The following KIDINS220 variants were observed in gnomAD, a reference collection of about 807,000 sequenced individuals.
KIDINS220 encodes kinase D interacting substrate 220, also known as kinase D-interacting substrate of 220 kDa.
Under a neutral mutation model 157.6 loss-of-function variants are expected in KIDINS220, and 63 were observed. That is an observed-to-expected ratio of 0.40 (90% confidence interval 0.33 to 0.49). The LOEUF is 0.49. Ranked by LOEUF, KIDINS220 falls within the 20% of genes least tolerant of loss-of-function variation. The probability of loss-of-function intolerance (pLI) is 0.66; values close to 1 mark genes in which losing one functional copy is unlikely to be tolerated. For synonymous variants in KIDINS220, 732 were observed against 783.6 expected (o/e 0.93, Z 1.10); for missense variants, 1,772 against 2,171.2 (o/e 0.82, Z 3.65).
intron 22 of KIDINS220, among the ~76,000 whole-genome samples, chr2:8,764,407 A>G (rs1669170088): frequency 6.6e-6 from 1 of 152,182 alleles, no homozygotes; most frequent in African/African-American, 2.4e-5. Flanking sequence ...AAAATTTTAA[A>G]AAACACAGAG....
intron 27 of KIDINS220, 124 bp from the exon 28 acceptor site, chr2:8,734,877 C>A: frequency 4.9e-6 from 3 of 609,272 alleles, no homozygotes; most frequent in East Asian, 3.0e-5. Context: ...GAAAGGCTGA[C>A]CAAAAAAAAG....
At chr2:8,781,635 G>A (rs1671739487) in intron 17 of KIDINS220, among the ~76,000 whole-genome samples, 1 of 152,042 alleles carries the variant, frequency 6.6e-6, no homozygotes, top group African/African-American at 2.4e-5. Flanking sequence ...CCCAAAACAT[G>A]CAGAGATTTA....
rs145345710 is a variant in KIDINS220, at chr2:8,774,015, CAGAT to C, written c.2848+2729_2848+2732del. 3.3e-3 allele frequency among the ~76,000 whole-genome samples: 495 copies of C among 152,220 alleles called. 4 individuals are homozygous for C. The highest frequency in any genetic ancestry group is 0.011 in the African/African-American group (475 of 41,546). ...ACTGAGAAAACAACAATAAGAAAGA[CAGAT>C]AGAATGCCGGGCATAGTGGCTCATG... On this transcript the variant is annotated intron_variant, in intron 21 of 29. Coordinates refer to ENST00000256707, the MANE Select transcript of KIDINS220 (RefSeq NM_020738.4).
At chr2:8,808,998 A>T (rs1258678568) in intron 6 of KIDINS220, among the ~76,000 whole-genome samples, 1 of 137,778 alleles carries the variant, frequency 7.3e-6, no homozygotes, top group Admixed American at 7.7e-5. Flanking sequence ...AGATCTATGT[A>T]TCTTTTTTTG....
At chr2:8,792,165 A>T (rs1047294884) in intron 12 of KIDINS220, among the ~76,000 whole-genome samples, 1 of 152,182 alleles carries the variant, frequency 6.6e-6, no homozygotes, top group Non-Finnish European at 1.5e-5. Flanking sequence ...TACTAGAAGG[A>T]AATATAGGAA....
In KIDINS220 at chr2:8,735,938, C is replaced by T. The variant is rs549411125; in HGVS notation, c.3717+930G>A. Among the ~76,000 whole-genome samples, 5 of 152,280 alleles carry T rather than the reference C, an allele frequency of 3.3e-5. No individual in the cohort carries two copies. In the South Asian group the frequency reaches 6.2e-4, roughly 19 times the overall value. On this transcript the variant is annotated intron_variant, in intron 27 of 29. Coordinates refer to ENST00000256707, the MANE Select transcript of KIDINS220 (RefSeq NM_020738.4). ...CACAAAGGACTCGTGTGGGAGACCC[C>T]GCTCTTTCCTGACACCAACCAGCTG...
intron 1 of KIDINS220, among the ~76,000 whole-genome samples, chr2:8,830,028 T>C (rs1679379375): frequency 6.6e-6 from 1 of 151,988 alleles, no homozygotes; most frequent in Non-Finnish European, 1.5e-5. Flanking sequence ...GCTCCTTCCA[T>C]GTAGAACACC....
In KIDINS220 at chr2:8,730,990, G is replaced by A. The variant is rs1270086786; in HGVS notation, c.5046C>T (p.Thr1682=). 1.5e-5 allele frequency: 25 copies of A among 1,614,152 alleles called. No homozygotes were observed. The highest frequency in any genetic ancestry group is 2.2e-5 in the East Asian group (1 of 44,882). ...GAGCACTATTGTTGTTCAGAGTCAC[G>A]GTGCTGGGAGTTCGGTTCAGGTTGT... ...KAYNLNRTPS[T]VTLNNNSAPA... is the part of the protein sequence containing the mutation. Residue 1682 remains threonine, a synonymous_variant, in exon 30 of 30, where the codon ACC becomes ACT. Coordinates refer to ENST00000256707, the MANE Select transcript of KIDINS220 (RefSeq NM_020738.4).
At chr2:8,805,523 A>G (rs1055325163) in intron 7 of KIDINS220, among the ~76,000 whole-genome samples, 1 of 152,170 alleles carries the variant, frequency 6.6e-6, no homozygotes, top group Non-Finnish European at 1.5e-5. Context: ...TTTCATCTTT[A>G]TCACTCTGGA....
chr2:8,769,770 A>G (rs565524190), intron 22 of KIDINS220, among the ~76,000 whole-genome samples: 119 of 152,322 alleles, frequency 7.8e-4, no homozygotes, highest in Non-Finnish European at 1.5e-3. Flanking sequence ...TGCATCTCAC[A>G]ATAAGATGAT....
intron 28 of KIDINS220, 123 bp from the exon 29 acceptor site, chr2:8,733,803 T>C: frequency 1.6e-6 from 1 of 636,120 alleles, no homozygotes; most frequent in Non-Finnish European, 2.6e-6. Flanking sequence ...ATACTTCTGG[T>C]AAGTGAATTT....
At chr2:8,746,348 C>A (rs554448259) in intron 26 of KIDINS220, 1 of 151,894 alleles carries the variant, frequency 6.6e-6, no homozygotes, top group Non-Finnish European at 1.5e-5. Context: ...TCAAGTGATC[C>A]GCCCACCTCG....
At chr2:8,831,010 G>A (rs1679536382) in intron 1 of KIDINS220, among the ~76,000 whole-genome samples, 1 of 152,166 alleles carries the variant, frequency 6.6e-6, no homozygotes, top group African/African-American at 2.4e-5. Context: ...CTCCAGGCCT[G>A]CCACCTGCAA....
chr2:8,732,025 AG>A, intron 29 of KIDINS220, 43 bp from the exon 30 acceptor site: 1 of 1,497,984 alleles, frequency 6.7e-7, no homozygotes, highest in Non-Finnish European at 8.9e-7. Flanking sequence ...TCAAATAAGA[AG>A]AAAAAAGGCA....
At chr2:8,808,233 C>T (rs555320000) in intron 6 of KIDINS220, among the ~76,000 whole-genome samples, 6 of 152,306 alleles carry the variant, frequency 3.9e-5, no homozygotes, top group Non-Finnish European at 5.9e-5. Flanking sequence ...TCCTCTTTTG[C>T]GGATAATACT....
At chr2:8,727,660 T>G (rs7567281), downstream of KIDINS220, among the ~76,000 whole-genome samples, 149,554 of 152,356 alleles carry the variant, frequency 0.98, 73,416 homozygotes, top group Middle Eastern at 1. Context: ...CATGCAAATG[T>G]TCTAAAAAGG....
chr2:8,781,411 G>C (rs563425840), intron 17 of KIDINS220, among the ~76,000 whole-genome samples: 1 of 151,076 alleles, frequency 6.6e-6, no homozygotes, highest in South Asian at 2.1e-4. Context: ...CAATCAACTG[G>C]CTATAACTGA....
chr2:8,738,624 G>A (rs1213729330), intron 26 of KIDINS220, among the ~76,000 whole-genome samples: 2 of 152,176 alleles, frequency 1.3e-5, no homozygotes, highest in South Asian at 4.1e-4. Flanking sequence ...CCCAAATTGA[G>A]GGACGTTCTA....
chr2:8,728,012 T>C (rs547012743), downstream of KIDINS220, among the ~76,000 whole-genome samples: 2 of 152,324 alleles, frequency 1.3e-5, no homozygotes, highest in East Asian at 3.9e-4. Context: ...TTATCAGAAC[T>C]ATCTGTGGCT....
Sources: allele counts gnomAD v4.1 joint callset (sites outside exome capture counted in the v4.1 genomes callset), GRCh38; gene constraint gnomAD v4.1.1; transcripts MANE v1.5; gene names NCBI Gene and HGNC (gene_info 2026-07-23, HGNC 2026-07-21).